PPP4R4: variants seen among roughly 807,000 people sequenced by gnomAD.
PPP4R4 encodes protein phosphatase 4 regulatory subunit 4, also known as serine/threonine-protein phosphatase 4 regulatory subunit 4.
PPP4R4 carries 70 observed loss-of-function variants against 121.8 expected under a neutral mutation model. That is an observed-to-expected ratio of 0.57 (90% CI 0.47 to 0.70). The LOEUF (loss-of-function observed/expected upper bound fraction) is 0.70, where lower values mean the gene tolerates loss of function less well. Ranked by LOEUF, PPP4R4 falls within the 30% of genes least tolerant of loss-of-function variation. PPP4R4 has a pLI of 0.00. For missense variants in PPP4R4, 875 were observed against 1,033.6 expected (o/e 0.85, Z 2.10); for synonymous variants, 348 against 355.7 (o/e 0.98, Z 0.24).
intron 2 of PPP4R4, among the ~76,000 whole-genome samples, chr14:94,197,681 C>T (rs1005519103): frequency 1.5e-4 from 23 of 152,138 alleles, no homozygotes; most frequent in Admixed American, 2.0e-4. Context: ...TATCCACCTC[C>T]GAAAATTTCC....
intron 3 of PPP4R4, among the ~76,000 whole-genome samples, chr14:94,212,628 G>C (rs1335411424): frequency 6.6e-6 from 1 of 151,896 alleles, no homozygotes; most frequent in African/African-American, 2.4e-5. Context: ...TTTAATCCTA[G>C]GGTATCTATT....
Position 94,246,406 on chromosome 14 carries a change from G to A in PPP4R4, c.1478G>A (p.Arg493Gln), listed in dbSNP as rs558603238. Residue 493 changes from arginine (R) to glutamine (Q), a missense_variant, in exon 14 of 25, where the codon CGA (arginine) becomes CAA (glutamine). Coordinates refer to ENST00000304338, the MANE Select transcript of PPP4R4 (RefSeq NM_058237.2). ...CCAGCACTCACAGCTGCTGAACAGC[G>A]AGCTGCAGCCTCTTTAAAATGGAGA... ...LIPALTAAEQ[R>Q]AAASLKWRTH... The A allele has an allele frequency of 6.8e-6, 11 of 1,613,938 alleles. No homozygotes were observed. Among genetic ancestry groups the A allele is most frequent in the Admixed American group, 1.7e-5 (1 of 59,986 alleles).
rs182171247 is a variant in PPP4R4 at position 94,183,451 on chromosome 14, T to G, written c.191+7324T>G. On this transcript the variant is annotated intron_variant, in intron 2 of 24. Coordinates refer to ENST00000304338, the MANE Select transcript of PPP4R4 (RefSeq NM_058237.2). Reference sequence around the variant, plus strand: ...TTGCTAAGGCCAAATTACTGAAGTCTTTGGCAAACCTTGAATTCCCTGTTT... The same window carrying G: ...TTGCTAAGGCCAAATTACTGAAGTCGTTGGCAAACCTTGAATTCCCTGTTT... Among the ~76,000 whole-genome samples, 222 of 152,328 alleles carry G rather than the reference T, an allele frequency of 1.5e-3. 1 individual carries two copies. Among genetic ancestry groups the G allele is most frequent in the African/African-American group, 5.1e-3 (211 of 41,586 alleles).
At chr14:94,266,611 C>T (rs1894064390) in intron 22 of PPP4R4, among the ~76,000 whole-genome samples, 1 of 151,936 alleles carries the variant, frequency 6.6e-6, no homozygotes, top group African/African-American at 2.4e-5. Context: ...TCAGTAGATC[C>T]ATCAAGAGTA....
At chr14:94,272,179 G>A (rs751203891) in intron 23 of PPP4R4, among the ~76,000 whole-genome samples, 31 of 152,276 alleles carry the variant, frequency 2.0e-4, no homozygotes, top group Non-Finnish European at 3.4e-4. Flanking sequence ...TTTACCTAGA[G>A]AAGAAAAGTC....
chr14:94,236,807 G>A (rs1892373254), intron 7 of PPP4R4, among the ~76,000 whole-genome samples: 2 of 152,028 alleles, frequency 1.3e-5, no homozygotes, highest in Non-Finnish European at 2.9e-5. Flanking sequence ...TGAGATTTGC[G>A]CTGAAATTTT....
intron 2 of PPP4R4, among the ~76,000 whole-genome samples, chr14:94,199,022 C>A (rs181249351): frequency 2.0e-5 from 3 of 152,180 alleles, no homozygotes; most frequent in African/African-American, 7.2e-5. Flanking sequence ...CTTTGCATTT[C>A]CATATAGATT....
rs559608769 is a variant in PPP4R4 at position 94,202,575 on chromosome 14, T to A, written c.192-5889T>A. Among the ~76,000 whole-genome samples the A allele has an allele frequency of 2.6e-5, 4 of 152,318 alleles. 1 individual carries two copies. Among genetic ancestry groups the A allele is most frequent in the African/African-American group, 9.6e-5 (4 of 41,558 alleles). ...TGAAGAAGTTCCCTTCTATTTGTAG[T>A]TTGCTGATAGTTTTAAATCATGGGT... On this transcript the variant is annotated intron_variant, in intron 2 of 24. Coordinates refer to ENST00000304338, the MANE Select transcript of PPP4R4 (RefSeq NM_058237.2).
chr14:94,270,198 A>G (rs1045392157), intron 23 of PPP4R4, among the ~76,000 whole-genome samples: 9 of 152,238 alleles, frequency 5.9e-5, no homozygotes, highest in African/African-American at 1.9e-4. Flanking sequence ...CTAGAGATAC[A>G]TAAAAAACTT....
chr14:94,240,605 A>G (rs1892576553), intron 8 of PPP4R4, 68 bp from the exon 9 acceptor site: 2 of 1,486,260 alleles, frequency 1.3e-6, no homozygotes, highest in Non-Finnish European at 1.8e-6. Flanking sequence ...TTGTGTGTGT[A>G]TTAGTTTCCA....
intron 3 of PPP4R4, among the ~76,000 whole-genome samples, chr14:94,224,106 A>G (rs1224987732): frequency 1.3e-5 from 2 of 152,170 alleles, no homozygotes; most frequent in African/African-American, 2.4e-5. Context: ...TAGGAAAGCA[A>G]ACATTCCCAG....
In PPP4R4 at chr14:94,257,359, A is replaced by G. The variant is rs139839678; in HGVS notation, c.2010+755A>G. Reference sequence around the variant, plus strand: ...ATTATTTACTTTTATGAATCTGAATATAAACTTCAGGACACATTGTTTTTG... The same window carrying G: ...ATTATTTACTTTTATGAATCTGAATGTAAACTTCAGGACACATTGTTTTTG... On this transcript the variant is annotated intron_variant, in intron 17 of 24. Transcript: ENST00000304338. Among the ~76,000 whole-genome samples the G allele has an allele frequency of 1.4e-3, 206 of 152,210 alleles. 1 individual carries two copies. The Middle Eastern group carries it at 0.014, about 10-fold the overall frequency.
intron 2 of PPP4R4, among the ~76,000 whole-genome samples, chr14:94,183,171 A>G (rs1183408701): frequency 2.0e-5 from 3 of 152,192 alleles, no homozygotes; most frequent in Non-Finnish European, 4.4e-5. Context: ...TTAGAAAAAG[A>G]GAAACAAAGT....
chr14:94,272,980 C>T (rs1192043856), intron 23 of PPP4R4, among the ~76,000 whole-genome samples: 4 of 152,154 alleles, frequency 2.6e-5, no homozygotes, highest in African/African-American at 7.2e-5. Context: ...AAATCCAAAA[C>T]GCTGACAGCA....
At chr14:94,228,562 A>G (rs183019126) in intron 3 of PPP4R4, among the ~76,000 whole-genome samples, 2 of 152,262 alleles carry the variant, frequency 1.3e-5, no homozygotes, top group East Asian at 1.9e-4. Context: ...TTGAGAATAC[A>G]TTTCTATGTG....
chr14:94,262,306 A>G (rs12433576), intron 19 of PPP4R4, among the ~76,000 whole-genome samples: 15,202 of 151,922 alleles, frequency 0.1, 827 homozygotes, highest in Middle Eastern at 0.16. Flanking sequence ...TTTACATGTT[A>G]TTTAAACTGA....
At position 94,221,455 on chromosome 14, in the gene PPP4R4, A is replaced by G. The variant is rs141972093; in HGVS notation, c.295-9132A>G. Among the ~76,000 whole-genome samples the G allele has an allele frequency of 7.3e-3, 1,114 of 152,246 alleles. 12 individuals are homozygous for G. The highest frequency in any genetic ancestry group is 0.025 in the African/African-American group (1,056 of 41,580). Reference sequence around the variant, plus strand: ...ATATTTGTAAATCACATAGATGACAAAGGACTGTGTTCAGAATTCATAAAG... The same window carrying G: ...ATATTTGTAAATCACATAGATGACAGAGGACTGTGTTCAGAATTCATAAAG... On this transcript the variant is annotated intron_variant, in intron 3 of 24. Transcript: ENST00000304338.
intron 3 of PPP4R4, among the ~76,000 whole-genome samples, chr14:94,218,428 G>A (rs1421188757): frequency 3.4e-4 from 36 of 104,634 alleles, no homozygotes; most frequent in Admixed American, 1.4e-3. Context: ...CACCGCACGC[G>A]CGCGCACACA....
chr14:94,249,952 A>G (rs539206774), intron 14 of PPP4R4, among the ~76,000 whole-genome samples: 2 of 152,204 alleles, frequency 1.3e-5, no homozygotes, highest in South Asian at 4.1e-4. Flanking sequence ...GGATTTGGAC[A>G]TGACTATGCC....
Sources: allele counts gnomAD v4.1 joint callset (sites outside exome capture counted in the v4.1 genomes callset), GRCh38; gene constraint gnomAD v4.1.1; transcripts MANE v1.5; gene names NCBI Gene and HGNC (gene_info 2026-07-23, HGNC 2026-07-21).